The following GPHN variants were observed in gnomAD, a reference collection of about 807,000 sequenced individuals.
GPHN encodes the protein gephyrin.
Under a neutral mutation model 95.5 loss-of-function variants are expected in GPHN, and 17 were observed. The observed-to-expected ratio is 0.18, with a 90% CI of 0.12 to 0.27. The LOEUF is 0.27. GPHN is among the 10% of genes least tolerant of loss of function. The pLI is 1.00. For synonymous variants in GPHN, 320 were observed against 322.5 expected (o/e 0.99, Z 0.08); for missense variants, 660 against 978.1 (o/e 0.67, Z 4.34).
At chr14:67,156,926 C>T (rs1189479303) in intron 18 of GPHN, among the ~76,000 whole-genome samples, 3 of 150,668 alleles carry the variant, frequency 2.0e-5, no homozygotes, top group South Asian at 2.1e-4. Flanking sequence ...GAGCCGAGAT[C>T]GCGCCACTGC....
intron 10 of GPHN, among the ~76,000 whole-genome samples, chr14:67,040,121 C>T (rs776636560): frequency 2.1e-4 from 32 of 151,922 alleles, no homozygotes; most frequent in South Asian, 1.5e-3. Context: ...AATAGACATA[C>T]GTGCATTGTT....
chr14:66,604,767 G>A (rs1264291917), intron 1 of GPHN, among the ~76,000 whole-genome samples: 3 of 152,090 alleles, frequency 2.0e-5, no homozygotes, highest in Non-Finnish European at 4.4e-5. Flanking sequence ...ATTGCATGAT[G>A]CTGAGGTTTG....
At chr14:66,978,681 C>G (rs1269344825) in intron 9 of GPHN, among the ~76,000 whole-genome samples, 8 of 152,280 alleles carry the variant, frequency 5.3e-5, no homozygotes, top group Middle Eastern at 3.4e-3. Context: ...TTGGAATCAA[C>G]TTCTTCCAAC....
chr14:67,189,231 A>T, the GPHN span, among the ~76,000 whole-genome samples: 1 of 152,070 alleles, frequency 6.6e-6, no homozygotes, highest in African/African-American at 2.4e-5. Flanking sequence ...TCACACCACC[A>T]CCTGAATGCC....
chr14:66,591,762 A>G lies in GPHN; in HGVS notation c.64+83171A>G, dbSNP rs547051686. 1.3e-4 allele frequency among the ~76,000 whole-genome samples: 20 copies of G among 152,354 alleles called. No individual in the cohort carries two copies. The South Asian group carries it at 2.9e-3, about 22-fold the overall frequency. ...AATTTATAGATTAAGTGCTATCCCA[A>G]TCAAGCTACCATTAACTTTCTTCAC... On this transcript the variant is annotated intron_variant, in intron 1 of 22. Transcript: ENST00000478722.
At chr14:66,562,625 AG>A (rs1464233990) in intron 1 of GPHN, among the ~76,000 whole-genome samples, 1 of 152,156 alleles carries the variant, frequency 6.6e-6, no homozygotes, top group Non-Finnish European at 1.5e-5. Context: ...AATTTTGTAG[AG>A]GGAAGACAGG....
the GPHN span, chr14:67,692,605 C>T: frequency 6.5e-7 from 1 of 1,543,024 alleles, no homozygotes; most frequent in Non-Finnish European, 8.7e-7. Context: ...TGTCAGCCAA[C>T]ATATGAAAGA....
the GPHN span, among the ~76,000 whole-genome samples, chr14:67,700,063 C>T: frequency 6.6e-6 from 1 of 151,932 alleles, no homozygotes; most frequent in African/African-American, 2.4e-5. Flanking sequence ...TCGCTTGAAC[C>T]TGGGAGGCGG....
At chr14:67,543,515 C>T in the GPHN span, among the ~76,000 whole-genome samples, 1 of 152,226 alleles carries the variant, frequency 6.6e-6, no homozygotes, top group African/African-American at 2.4e-5. Flanking sequence ...ACGTAGAGTG[C>T]TTGTTAAGCA....
intron 5 of GPHN, among the ~76,000 whole-genome samples, chr14:66,910,834 A>G (rs184556584): frequency 1.8e-4 from 28 of 152,124 alleles, no homozygotes; most frequent in Admixed American, 1.7e-3. Flanking sequence ...AAGTCAGTTT[A>G]CTGCCCTGTT....
intron 3 of GPHN, among the ~76,000 whole-genome samples, chr14:66,805,935 GCCC>G (rs2153479512): frequency 6.6e-6 from 1 of 152,294 alleles, no homozygotes; most frequent in East Asian, 1.9e-4. Flanking sequence ...GCTAGGCACT[GCCC>G]CAGTAGGGAC....
At chr14:67,512,086 A>C in the GPHN span, among the ~76,000 whole-genome samples, 1 of 152,228 alleles carries the variant, frequency 6.6e-6, no homozygotes, top group South Asian at 2.1e-4. Context: ...ATCTTATAGC[A>C]GAAAAGTATA....
chr14:66,837,326 C>T (rs2061873248), intron 4 of GPHN, among the ~76,000 whole-genome samples: 1 of 150,856 alleles, frequency 6.6e-6, no homozygotes, highest in African/African-American at 2.5e-5. Context: ...CCATCATTCT[C>T]AGTAAACTAT....
intron 10 of GPHN, among the ~76,000 whole-genome samples, chr14:67,025,554 TA>T (rs1364561116): frequency 6.6e-6 from 1 of 152,154 alleles, no homozygotes; most frequent in Non-Finnish European, 1.5e-5. Flanking sequence ...AGCCTGAGAA[TA>T]AAAAGGAAAC....
chr14:67,554,780 C>G, the GPHN span, among the ~76,000 whole-genome samples: 2 of 152,304 alleles, frequency 1.3e-5, no homozygotes, highest in Non-Finnish European at 2.9e-5. Flanking sequence ...CAGCTTAGGT[C>G]TGGTCCCTGA....
chr14:67,664,498 A>ATT, the GPHN span, among the ~76,000 whole-genome samples: 358 of 146,812 alleles, frequency 2.4e-3, no homozygotes, highest in Admixed American at 2.9e-3. Context: ...CTAAAGAGCA[A>ATT]TTTTTTTTTT....
chr14:67,469,271 T>C, the GPHN span, among the ~76,000 whole-genome samples: 1 of 152,074 alleles, frequency 6.6e-6, no homozygotes, highest in African/African-American at 2.4e-5. Context: ...CCCATGCCAT[T>C]TGCGTTTAGC....
chr14:66,912,413 G>A (rs1336110962), intron 5 of GPHN, among the ~76,000 whole-genome samples: 1 of 151,770 alleles, frequency 6.6e-6, no homozygotes, highest in Non-Finnish European at 1.5e-5. Flanking sequence ...TGTTCCCAAA[G>A]GATTTTTGCT....
At chr14:67,406,979 G>C in the GPHN span, among the ~76,000 whole-genome samples, 1 of 152,144 alleles carries the variant, frequency 6.6e-6, no homozygotes, top group Non-Finnish European at 1.5e-5. Flanking sequence ...GCTGAAGCAG[G>C]GGGTGCTTGG....
Sources: gnomAD v4.1 joint callset for allele counts (sites outside exome capture counted in the v4.1 genomes callset) on GRCh38, gnomAD v4.1.1 for gene constraint, MANE v1.5 for transcripts, NCBI Gene and HGNC (gene_info 2026-07-23, HGNC 2026-07-21) for gene names.